The following AGTR1 variants were observed in gnomAD, a reference collection of about 807,000 sequenced individuals.
The protein encoded by AGTR1 is type-1 angiotensin II receptor.
Under a neutral mutation model 19.4 loss-of-function variants are expected in AGTR1, and 16 were observed. The observed-to-expected ratio is 0.82, with a 90% CI of 0.56 to 1.25. AGTR1 has a LOEUF of 1.25. Among genes scored for constraint, AGTR1 ranks in the 50% most tolerant of loss-of-function variants. The pLI is 0.00. For missense variants in AGTR1, 373 were observed against 431.9 expected (o/e 0.86, Z 1.21); for synonymous variants, 153 against 154.9 (o/e 0.99, Z 0.09).
chr3:148,737,336 T>C (rs1333863422), intron 2 of AGTR1, among the ~76,000 whole-genome samples: 3 of 152,128 alleles, frequency 2.0e-5, no homozygotes, highest in Non-Finnish European at 4.4e-5. Context: ...CTACTCCACC[T>C]GGCTGGTTTC....
chr3:148,702,394 G>A (rs558659477), intron 1 of AGTR1, among the ~76,000 whole-genome samples: 1 of 152,180 alleles, frequency 6.6e-6, no homozygotes, highest in Non-Finnish European at 1.5e-5. Flanking sequence ...GAAGAATTAT[G>A]TCTATAAAAT....
rs932010031 is a variant in AGTR1 at position 148,716,180 on chromosome 3, C to T, written c.-48+8153C>T. 6.6e-6 allele frequency among the ~76,000 whole-genome samples: 1 copy of T among 152,126 alleles called. No homozygotes were observed. Among genetic ancestry groups the T allele is most frequent in the African/African-American group, 2.4e-5 (1 of 41,436 alleles). ...AGAGCACTCCACCAGTGCCCTTGTC[C>T]TCCTGGGCAGAGCTCCTCAGCTATA... On this transcript the variant is annotated intron_variant, in intron 2 of 2. Coordinates refer to ENST00000349243, the MANE Select transcript of AGTR1 (RefSeq NM_000685.5). This position sits in a 1 kb window ranked among gnomAD's most constrained non-coding sequence, Gnocchi z 4.7.
At chr3:148,732,556 G>A (rs1714326938) in intron 2 of AGTR1, among the ~76,000 whole-genome samples, 1 of 151,990 alleles carries the variant, frequency 6.6e-6, no homozygotes, top group Non-Finnish European at 1.5e-5. Context: ...TTAAATTAGT[G>A]TGGGATTAAA....
At chr3:148,739,143 G>A (rs1003697088) in intron 2 of AGTR1, among the ~76,000 whole-genome samples, 19 of 152,278 alleles carry the variant, frequency 1.2e-4, no homozygotes, top group Middle Eastern at 3.4e-3. Flanking sequence ...TGGATCACCC[G>A]AAGTCAGGAG....
At chr3:148,706,024 T>TTTTC (rs1359781225) in intron 1 of AGTR1, among the ~76,000 whole-genome samples, 1 of 151,984 alleles carries the variant, frequency 6.6e-6, no homozygotes, top group Non-Finnish European at 1.5e-5. Context: ...GGATGATTTT[T>TTTTC]TTTCTTTCTT....
chr3:148,715,498 A>G (rs1360443842), intron 2 of AGTR1, among the ~76,000 whole-genome samples: 1 of 152,140 alleles, frequency 6.6e-6, no homozygotes, highest in Non-Finnish European at 1.5e-5. Flanking sequence ...CTGCCTCACC[A>G]GCCTCCATTA....
intron 2 of AGTR1, among the ~76,000 whole-genome samples, chr3:148,711,120 C>T (rs982445611): frequency 2.6e-5 from 4 of 152,208 alleles, no homozygotes; most frequent in Admixed American, 6.5e-5. Context: ...AACACAGTCA[C>T]GGATAACAGT....
Position 148,741,335 on chromosome 3 carries a change from A to G in AGTR1, c.300A>G (p.Leu100=), listed in dbSNP as rs532928582. ...ACCGCTGGCCCTTTGGCAATTACCT[A>G]TGTAAGATTGCTTCAGCCAGCGTCA... The part of the protein sequence containing the change: ...MEYRWPFGNY[L]CKIASASVSF... The change falls in exon 3 of 3, where the codon CTA becomes CTG. Residue 100 remains leucine, a synonymous_variant. Coordinates refer to ENST00000349243, the MANE Select transcript of AGTR1 (RefSeq NM_000685.5). 1.9e-6 allele frequency: 3 copies of G among 1,608,396 alleles called. No homozygotes were observed. Among genetic ancestry groups the G allele is most frequent in the East Asian group, 2.2e-5 (1 of 44,876 alleles).
intron 1 of AGTR1, among the ~76,000 whole-genome samples, chr3:148,706,169 T>C (rs1238337090): frequency 6.6e-6 from 1 of 152,034 alleles, no homozygotes; most frequent in Non-Finnish European, 1.5e-5. Flanking sequence ...ACAACTACTA[T>C]TAACTCTCTG....
chr3:148,732,572 T>A (rs1714327768), intron 2 of AGTR1, among the ~76,000 whole-genome samples: 1 of 152,148 alleles, frequency 6.6e-6, no homozygotes, highest in Admixed American at 6.5e-5. Context: ...TTAAAAATAT[T>A]TAGATAGCTG....
intron 2 of AGTR1, among the ~76,000 whole-genome samples, chr3:148,728,619 G>T (rs1467920362): frequency 6.6e-6 from 1 of 152,172 alleles, no homozygotes; most frequent in Non-Finnish European, 1.5e-5. Flanking sequence ...AGGTGCTTCA[G>T]GGAATTTCTG....
chr3:148,728,843 C>T (rs1714096469), intron 2 of AGTR1, among the ~76,000 whole-genome samples: 1 of 152,248 alleles, frequency 6.6e-6, no homozygotes, highest in African/African-American at 2.4e-5. Flanking sequence ...TGAAGAAGTT[C>T]AGCCAAAATT....
At chr3:148,720,453 A>G (rs1713567095) in intron 2 of AGTR1, among the ~76,000 whole-genome samples, 2 of 152,238 alleles carry the variant, frequency 1.3e-5, no homozygotes. Context: ...GTAGTCTAAA[A>G]GCCTCTTGCA....
rs12721225 is a variant in AGTR1, at chr3:148,741,765, G to T, written c.730G>T (p.Ala244Ser). 3.8e-3 allele frequency: 6,050 copies of T among 1,613,236 alleles called. 32 individuals carry two copies. Among genetic ancestry groups the T allele is most frequent in the South Asian group, 9.4e-3 (860 of 91,050 alleles). ...TGATGATATTTTTAAGATAATTATG[G>T]CAATTGTGCTTTTCTTTTTCTTTTC... is the stretch of plus-strand genomic sequence containing the variant. ...RNDDIFKIIM[A>S]IVLFFFFSWI... The change falls in exon 3 of 3, where the codon GCA (alanine) becomes TCA (serine). Residue 244 changes from alanine to serine, a missense_variant. Coordinates refer to ENST00000349243, the MANE Select transcript of AGTR1 (RefSeq NM_000685.5).
rs1714955209 is a variant in AGTR1, at chr3:148,742,125, A to T, written c.*10A>T. The T allele has an allele frequency of 1.2e-6, 2 of 1,613,860 alleles. No homozygotes were observed. The highest frequency in any genetic ancestry group is 2.7e-5 in the African/African-American group (2 of 74,878). ...TTTTGAGGTTGAGTGACATGTTCGA[A>T]ACCTGTCCATAAAGTAATTTTGTGA... On this transcript the variant is annotated 3_prime_UTR_variant, in exon 3 of 3. Coordinates refer to ENST00000349243, the MANE Select transcript of AGTR1 (RefSeq NM_000685.5).
chr3:148,700,887 G>A (rs1712301677), intron 1 of AGTR1, among the ~76,000 whole-genome samples: 1 of 152,146 alleles, frequency 6.6e-6, no homozygotes. Context: ...AAGATCATTG[G>A]ATTATGTGGT....
intron 1 of AGTR1, among the ~76,000 whole-genome samples, chr3:148,704,733 T>G (rs1223743389): frequency 6.6e-6 from 1 of 152,192 alleles, no homozygotes; most frequent in Non-Finnish European, 1.5e-5. Flanking sequence ...TGTCCGAATA[T>G]CTCCTGTTTT....
chr3:148,704,020 A>C (rs1712511609), intron 1 of AGTR1, among the ~76,000 whole-genome samples: 1 of 152,164 alleles, frequency 6.6e-6, no homozygotes, highest in Non-Finnish European at 1.5e-5. Flanking sequence ...TATCAATTAT[A>C]CTTCAATAAA....
intron 2 of AGTR1, among the ~76,000 whole-genome samples, chr3:148,724,450 A>G (rs2107951954): frequency 6.6e-6 from 1 of 152,378 alleles, no homozygotes; most frequent in East Asian, 1.9e-4. Flanking sequence ...TAGTAGTTCA[A>G]CCACATTTTA....
Sources: allele counts gnomAD v4.1 joint callset (sites outside exome capture counted in the v4.1 genomes callset), GRCh38; gene constraint gnomAD v4.1.1; non-coding constraint Gnocchi (gnomAD v3.1); transcripts MANE v1.5; gene names NCBI Gene and HGNC (gene_info 2026-07-23, HGNC 2026-07-21).